PPARGC1A: variants seen among roughly 807,000 people sequenced by gnomAD.
PPARGC1A encodes peroxisome proliferator-activated receptor gamma coactivator 1-alpha.
In PPARGC1A, 25 loss-of-function variants were observed where a neutral mutation model predicts 88.7. The observed-to-expected ratio is 0.28, with a 90% CI of 0.21 to 0.39. The LOEUF is 0.39. Among genes scored for constraint, PPARGC1A ranks in the 10% least tolerant of loss-of-function variants. The pLI is 1.00. For missense variants in PPARGC1A, 880 were observed against 968.7 expected (o/e 0.91, Z 1.22); for synonymous variants, 363 against 355.6 (o/e 1.02, Z -0.24).
the PPARGC1A span, among the ~76,000 whole-genome samples, chr4:23,993,050 A>C: frequency 6.6e-6 from 1 of 152,124 alleles, no homozygotes; most frequent in African/African-American, 2.4e-5. Context: ...TGGCCCTACT[A>C]TGTCCTTCCT....
the PPARGC1A span, among the ~76,000 whole-genome samples, chr4:24,385,861 A>T: frequency 6.6e-6 from 1 of 152,136 alleles, no homozygotes; most frequent in South Asian, 2.1e-4. Flanking sequence ...CAAACAACAG[A>T]AAAAGAAGGA....
the PPARGC1A span, among the ~76,000 whole-genome samples, chr4:24,183,589 G>A: frequency 6.6e-6 from 1 of 152,196 alleles, no homozygotes; most frequent in Non-Finnish European, 1.5e-5. Flanking sequence ...TTAGACTGTA[G>A]AGAAATCCAG....
At chr4:24,076,298 G>T in the PPARGC1A span, among the ~76,000 whole-genome samples, 1 of 152,132 alleles carries the variant, frequency 6.6e-6, no homozygotes. Flanking sequence ...CCCAAGGTCA[G>T]ACATCTAATC....
At chr4:24,267,665 C>G in the PPARGC1A span, among the ~76,000 whole-genome samples, 1 of 152,142 alleles carries the variant, frequency 6.6e-6, no homozygotes, top group Non-Finnish European at 1.5e-5. Context: ...GCATTTTATA[C>G]TCATGACAAT....
the PPARGC1A span, among the ~76,000 whole-genome samples, chr4:24,298,297 G>A: frequency 6.6e-6 from 1 of 152,122 alleles, no homozygotes; most frequent in Non-Finnish European, 1.5e-5. Context: ...TCTGAAACCA[G>A]ACTTCCAGGG....
At chr4:24,111,593 C>T in the PPARGC1A span, among the ~76,000 whole-genome samples, 106 of 152,216 alleles carry the variant, frequency 7.0e-4, no homozygotes, top group East Asian at 0.019. Context: ...GTTTTTAGCT[C>T]CGTGGTGTCA....
chr4:24,209,796 T>C, the PPARGC1A span, among the ~76,000 whole-genome samples: 1 of 152,244 alleles, frequency 6.6e-6, no homozygotes, highest in African/African-American at 2.4e-5. Context: ...CAATAGTACA[T>C]GCATACAATT....
At chr4:23,909,416 C>T in the PPARGC1A span, among the ~76,000 whole-genome samples, 1 of 152,036 alleles carries the variant, frequency 6.6e-6, no homozygotes, top group Non-Finnish European at 1.5e-5. Flanking sequence ...TGCGTGGATG[C>T]CAATGTACAG....
intron 10 of PPARGC1A, among the ~76,000 whole-genome samples, chr4:23,805,303 G>T (rs983561223): frequency 1.3e-5 from 2 of 151,692 alleles, no homozygotes; most frequent in African/African-American, 4.8e-5. Context: ...TGTTTTTACA[G>T]ATTTAAGTGT....
chr4:24,027,852 C>A, the PPARGC1A span, among the ~76,000 whole-genome samples: 2 of 152,228 alleles, frequency 1.3e-5, no homozygotes, highest in African/African-American at 4.8e-5. Context: ...GAACTCCACC[C>A]TTTTTCCACC....
intron 10 of PPARGC1A, 37 bp from the exon 11 acceptor site, chr4:23,802,382 A>G (rs762308711): frequency 6.2e-6 from 10 of 1,612,104 alleles, no homozygotes; most frequent in Non-Finnish European, 8.5e-6. Context: ...CTGGAGTGGG[A>G]AAAAAGCTAG....
chr4:24,430,255 CTTTTTTTTTTTT>C, the PPARGC1A span, among the ~76,000 whole-genome samples: 1 of 110,774 alleles, frequency 9.0e-6, no homozygotes, highest in African/African-American at 3.6e-5. Context: ...TTTTGTATTT[CTTTTTTTTTTTT>C]TTTTTTTTTG....
At chr4:24,032,731 G>T in the PPARGC1A span, among the ~76,000 whole-genome samples, 1 of 152,126 alleles carries the variant, frequency 6.6e-6, no homozygotes, top group African/African-American at 2.4e-5. Flanking sequence ...TGTCATTGTT[G>T]GTTGATTTTG....
At chr4:23,991,681 C>T in the PPARGC1A span, among the ~76,000 whole-genome samples, 1 of 152,014 alleles carries the variant, frequency 6.6e-6, no homozygotes, top group Non-Finnish European at 1.5e-5. Flanking sequence ...ACTGAGAACA[C>T]TGAGACTGGG....
the PPARGC1A span, among the ~76,000 whole-genome samples, chr4:24,458,305 G>A: frequency 6.6e-6 from 1 of 152,138 alleles, no homozygotes; most frequent in African/African-American, 2.4e-5. Context: ...TTTAAGAGCA[G>A]CCTGGGGAAC....
At chr4:23,954,179 G>A in the PPARGC1A span, among the ~76,000 whole-genome samples, 1 of 151,870 alleles carries the variant, frequency 6.6e-6, no homozygotes, top group African/African-American at 2.4e-5. Context: ...AAGTATGGGC[G>A]AATGAGATCT....
chr4:24,402,007 A>G, the PPARGC1A span, among the ~76,000 whole-genome samples: 3 of 152,226 alleles, frequency 2.0e-5, no homozygotes, highest in South Asian at 6.2e-4. Context: ...AAATGGAAAT[A>G]CAGCACCCAC....
chr4:24,350,516 C>T, the PPARGC1A span, among the ~76,000 whole-genome samples: 1 of 152,300 alleles, frequency 6.6e-6, no homozygotes, highest in African/African-American at 2.4e-5. Context: ...AATCACCAAT[C>T]CTCTCATGAG....
the PPARGC1A span, among the ~76,000 whole-genome samples, chr4:24,271,242 C>G: frequency 8.5e-5 from 13 of 152,066 alleles, no homozygotes; most frequent in African/African-American, 3.1e-4. Flanking sequence ...TCCATGCAGC[C>G]CTCACTCTGA....
Sources: gnomAD v4.1 joint callset for allele counts (sites outside exome capture counted in the v4.1 genomes callset) on GRCh38, gnomAD v4.1.1 for gene constraint, MANE v1.5 for transcripts, NCBI Gene and HGNC (gene_info 2026-07-23, HGNC 2026-07-21) for gene names.